The following TENM4 variants were observed in gnomAD, a reference collection of about 807,000 sequenced individuals.
The protein encoded by TENM4 is teneurin transmembrane protein 4, also known as teneurin-4.
Under a neutral mutation model 243.3 loss-of-function variants are expected in TENM4, and 82 were observed. The ratio of observed to expected loss-of-function variants is 0.34; its 90% CI spans 0.28 to 0.40. The LOEUF is 0.40. Ranked by LOEUF, TENM4 falls within the 10% of genes least tolerant of loss-of-function variation. TENM4 has a pLI of 1.00. For missense variants in TENM4, 3,138 were observed against 3,673.3 expected, an observed-to-expected ratio of 0.85 and a Z score of 3.77; for synonymous variants, 1,412 against 1,456.3, an observed-to-expected ratio of 0.97 and a Z score of 0.69.
chr11:79,212,719 G>C (rs760157960), intron 3 of TENM4, among the ~76,000 whole-genome samples: 11 of 152,064 alleles, frequency 7.2e-5, no homozygotes. Context: ...TCCTACCCTG[G>C]AAACATCCTT....
chr11:79,049,755 G>A (rs1474392142), intron 6 of TENM4, among the ~76,000 whole-genome samples: 1 of 152,196 alleles, frequency 6.6e-6, no homozygotes, highest in Admixed American at 6.5e-5. Flanking sequence ...TATGTGACTA[G>A]CACCTGATCA....
Position 78,814,410 on chromosome 11 carries a change from GAGA to G in TENM4, c.1682-18_1682-16del, listed in dbSNP as rs762219213. ...ATCCACCGACTCTGGGGAGAGAAAGGAGAAGGAGAGTTGAAAACAAATTTCCTT... is the reference window on the plus strand; with the variant it reads ...ATCCACCGACTCTGGGGAGAGAAAGGAGGAGAGTTGAAAACAAATTTCCTT... On this transcript the variant is annotated splice_polypyrimidine_tract_variant and intron_variant, in intron 12 of 33. Transcript: ENST00000278550. 8 of 1,546,192 alleles carry G rather than the reference GAGA, an allele frequency of 5.2e-6. No individual in the cohort carries two copies. The highest frequency in any genetic ancestry group is 2.8e-5 in the African/African-American group (2 of 72,584).
At chr11:78,878,419 C>T (rs919565247) in intron 9 of TENM4, among the ~76,000 whole-genome samples, 1 of 152,118 alleles carries the variant, frequency 6.6e-6, no homozygotes, top group Non-Finnish European at 1.5e-5. Context: ...CCACAAGCAC[C>T]ATAAAGGCAT....
intron 6 of TENM4, among the ~76,000 whole-genome samples, chr11:79,039,009 A>G (rs1859452759): frequency 6.6e-6 from 1 of 152,184 alleles, no homozygotes; most frequent in African/African-American, 2.4e-5. Context: ...GAAGCAAGGG[A>G]GAATGTACCC....
chr11:78,802,376 T>G (rs1857298121), intron 15 of TENM4, among the ~76,000 whole-genome samples: 1 of 152,232 alleles, frequency 6.6e-6, no homozygotes, highest in South Asian at 2.1e-4. Context: ...TCAAGAAAAG[T>G]GAGCTTTCTT....
At chr11:79,355,937 A>G (rs1857490005) in intron 1 of TENM4, among the ~76,000 whole-genome samples, 1 of 152,206 alleles carries the variant, frequency 6.6e-6, no homozygotes, top group Admixed American at 6.5e-5. Context: ...TGATCTTCTT[A>G]TGGGAGCACA....
chr11:78,699,401 T>G (rs1170478965), intron 28 of TENM4, among the ~76,000 whole-genome samples: 1 of 152,258 alleles, frequency 6.6e-6, no homozygotes, highest in Non-Finnish European at 1.5e-5. Context: ...CTAATCTCTC[T>G]GTACTTCATA....
intron 2 of TENM4, among the ~76,000 whole-genome samples, chr11:79,270,260 T>G (rs1158377185): frequency 2.6e-5 from 4 of 152,196 alleles, no homozygotes; most frequent in Non-Finnish European, 5.9e-5. Flanking sequence ...CACTTAGCAC[T>G]TATGGGTGTG....
chr11:78,936,538 G>C (rs187061363), intron 6 of TENM4, among the ~76,000 whole-genome samples: 1 of 152,130 alleles, frequency 6.6e-6, no homozygotes, highest in African/African-American at 2.4e-5. Flanking sequence ...ACTGGAAAAG[G>C]GGCCATCAGA....
intron 2 of TENM4, among the ~76,000 whole-genome samples, chr11:79,243,040 G>A (rs1299957302): frequency 1.3e-5 from 2 of 152,174 alleles, no homozygotes; most frequent in Non-Finnish European, 2.9e-5. Context: ...GGAGCTCCAG[G>A]AAGGGTCAGT....
At chr11:79,152,170 T>C (rs1300984296) in intron 3 of TENM4, among the ~76,000 whole-genome samples, 2 of 152,220 alleles carry the variant, frequency 1.3e-5, no homozygotes, top group East Asian at 3.9e-4. Flanking sequence ...TGAAGATCTG[T>C]GTTCCATGGT....
chr11:78,712,861 A>G (rs549212210), intron 25 of TENM4, 147 bp from the exon 26 acceptor site: 1 of 745,288 alleles, frequency 1.3e-6, no homozygotes, highest in Non-Finnish European at 2.1e-6. Context: ...TGGTTCCCCA[A>G]TTTTTCTGAC....
At chr11:78,711,307 C>T (rs543683116) in intron 26 of TENM4, among the ~76,000 whole-genome samples, 2 of 152,252 alleles carry the variant, frequency 1.3e-5, no homozygotes, top group South Asian at 4.2e-4. Flanking sequence ...TTACCATGTG[C>T]GGGGTACTAC....
At chr11:78,760,258 C>A (rs1856399829) in intron 18 of TENM4, among the ~76,000 whole-genome samples, 1 of 152,210 alleles carries the variant, frequency 6.6e-6, no homozygotes, top group Admixed American at 6.5e-5. Context: ...CGTCACAGGA[C>A]AACAGAGGTC....
At chr11:79,049,495 G>A (rs11237701) in intron 6 of TENM4, among the ~76,000 whole-genome samples, 4,460 of 152,318 alleles carry the variant, frequency 0.029, 82 homozygotes, top group South Asian at 0.061. Flanking sequence ...AGTCCAAGAG[G>A]CAGGGGGCAG....
chr11:78,859,607 C>G (rs964255537), intron 10 of TENM4, among the ~76,000 whole-genome samples: 16 of 152,204 alleles, frequency 1.1e-4, no homozygotes, highest in African/African-American at 3.9e-4. Context: ...TGAGATCTAC[C>G]TATATAGATT....
intron 4 of TENM4, among the ~76,000 whole-genome samples, chr11:79,135,522 G>C (rs1315962667): frequency 1.3e-5 from 2 of 151,802 alleles, no homozygotes; most frequent in African/African-American, 4.8e-5. Context: ...AGGAAAATAA[G>C]TCATTATACA....
chr11:78,835,626 TTG>T (rs1858086022), intron 12 of TENM4, among the ~76,000 whole-genome samples: 2 of 152,278 alleles, frequency 1.3e-5, no homozygotes, highest in Non-Finnish European at 2.9e-5. Flanking sequence ...TTATTAATTG[TTG>T]GTGATCTTCA....
At chr11:78,795,032 C>T (rs985626262) in intron 15 of TENM4, among the ~76,000 whole-genome samples, 6 of 152,120 alleles carry the variant, frequency 3.9e-5, no homozygotes, top group African/African-American at 1.4e-4. Context: ...CTCTTTGGGC[C>T]TTCTTCTGTG....
Sources: allele counts gnomAD v4.1 joint callset (sites outside exome capture counted in the v4.1 genomes callset), GRCh38; gene constraint gnomAD v4.1.1; transcripts MANE v1.5; gene names NCBI Gene and HGNC (gene_info 2026-07-23, HGNC 2026-07-21).